The following INF2 variants were observed in gnomAD, a reference collection of about 807,000 sequenced individuals.
The protein encoded by INF2 is inverted formin-2.
A neutral mutation model predicts 123.5 loss-of-function variants in INF2; 43 were observed. The observed-to-expected ratio is 0.35, with a 90% CI of 0.27 to 0.45. The LOEUF (loss-of-function observed/expected upper bound fraction) is 0.45. INF2 is among the 20% of genes least tolerant of loss of function. The pLI, the probability that INF2 is intolerant of heterozygous loss-of-function variation, is 1.00. For missense variants in INF2, 1,453 were observed against 1,682.7 expected, an observed-to-expected ratio of 0.86 and a Z score of 2.39; for synonymous variants, 851 against 745.0, an observed-to-expected ratio of 1.14 and a Z score of -2.32.
chr14:104,711,056 G>C, intron 14 of INF2, 23 bp from the exon 15 acceptor site: 1 of 1,605,894 alleles, frequency 6.2e-7, no homozygotes, highest in South Asian at 1.1e-5. Context: ...GGGCTGGTGA[G>C]ACTCACTCCC....
rs574578087 is a variant in INF2, at chr14:104,717,296, C to A, written c.*2-1499C>A. Among the ~76,000 whole-genome samples the A allele has an allele frequency of 8.4e-4, 31 of 37,096 alleles. 1 individual carries two copies. In the South Asian group the frequency reaches 8.4e-3, roughly 10 times the overall value. The allele number at this position is 37,096 out of a possible 152,430, so 24.3% of individuals were successfully genotyped here. On this transcript the variant is annotated intron_variant, in intron 22 of 22. Transcript: ENST00000392634. ...CAGGGTGCGCTGCCGTCCTCCCAGT[C>A]CCCCCCCCGGGCAGGGCGCGCTGCC...
Position 104,715,586 on chromosome 14 carries a change from G to A in INF2, c.*1+246G>A, listed in dbSNP as rs897248387. 8.9e-5 allele frequency: 54 copies of A among 607,542 alleles called. 1 individual carries two copies. Among genetic ancestry groups the A allele is most frequent in the Middle Eastern group, 4.3e-4 (1 of 2,310 alleles). The allele number at this position is 607,542 out of a possible 1,614,324, so 37.6% of individuals were successfully genotyped here. On this transcript the variant is annotated intron_variant, in intron 22 of 22. Transcript: ENST00000392634. Reference sequence around the variant, plus strand: ...AGGACGCAACCTCAGTGCTGGCCCCGGGCATGCGGGCCTCGAGAGGGCAGG... The same window carrying A: ...AGGACGCAACCTCAGTGCTGGCCCCAGGCATGCGGGCCTCGAGAGGGCAGG...
chr14:104,699,391 C>T lies in INF2; in HGVS notation c.-9-1966C>T, dbSNP rs1019521865. On this transcript the variant is annotated intron_variant, in intron 1 of 22. Coordinates refer to ENST00000392634, the MANE Select transcript of INF2 (RefSeq NM_022489.4). This position sits in a 1 kb window ranked among gnomAD's most constrained non-coding sequence, Gnocchi z 4.7. ...AGGCGGGTGGGAATATATGCAGAGG[C>T]CCGGCTGCCTGGCTCTTCATGGTGG... 1 of 985,230 alleles carries T rather than the reference C, an allele frequency of 1.0e-6. No homozygotes were observed. The highest frequency in any genetic ancestry group is 1.1e-4 in the East Asian group (1 of 8,810). The allele number at this position is 985,230 out of a possible 1,614,324, so 61.0% of individuals were successfully genotyped here.
rs943505617 is a variant in INF2, at chr14:104,699,394, G to A, written c.-9-1963G>A. 8 of 985,240 alleles carry A rather than the reference G, an allele frequency of 8.1e-6. No homozygotes were observed. The highest frequency in any genetic ancestry group is 9.4e-5 in the South Asian group (2 of 21,294). The allele number at this position is 985,240 out of a possible 1,614,324, so 61.0% of individuals were successfully genotyped here. On this transcript the variant is annotated intron_variant, in intron 1 of 22. Transcript: ENST00000392634. This position sits in a 1 kb window ranked among gnomAD's most constrained non-coding sequence, Gnocchi z 4.7. ...CGGGTGGGAATATATGCAGAGGCCCGGCTGCCTGGCTCTTCATGGTGGTGG... is the reference window on the plus strand; with the variant it reads ...CGGGTGGGAATATATGCAGAGGCCCAGCTGCCTGGCTCTTCATGGTGGTGG...
rs377281840 is a variant in INF2 at position 104,709,667 on chromosome 14, C to A, written c.2100C>A (p.Ser700Arg). 18 of 1,612,712 alleles carry A rather than the reference C, an allele frequency of 1.1e-5. No homozygotes were observed. In the South Asian group the frequency reaches 1.9e-4, roughly 17 times the overall value. Residue 700 changes from serine (S) to arginine (R), a missense_variant, in exon 12 of 23, where the codon AGC (serine) becomes AGA (arginine). Transcript: ENST00000392634. Reference protein sequence around the residue: ...AFTEERAKLASADHFYLLLLA... With the variant: ...AFTEERAKLARADHFYLLLLA... The stretch of plus-strand genomic sequence containing the variant: ...CAGAGGAGCGAGCCAAGCTGGCCAG[C>A]GCCGACCACTTCTACCTCCTCCTGC...
At position 104,684,039 on chromosome 14, in the gene INF2, C is replaced by T. The variant is rs940000076; in HGVS notation, c.-104+2457C>T. ...AATTCCCAACACCAGGGTTGCAAGGCCCAGTGTCTTCTCACCTCGTTAGGT... is the reference window on the plus strand; with the variant it reads ...AATTCCCAACACCAGGGTTGCAAGGTCCAGTGTCTTCTCACCTCGTTAGGT... On this transcript the variant is annotated intron_variant, in intron 1 of 2. Transcript: ENST00000674723. The surrounding 1 kb of genome is among the most constrained non-coding windows in gnomAD (Gnocchi z 5.0). The T allele has an allele frequency of 2.2e-6, 1 of 455,936 alleles. No homozygotes were observed. The highest frequency in any genetic ancestry group is 2.0e-5 in the African/African-American group (1 of 50,080). 28.2% of individuals were successfully genotyped at this position (455,936 alleles called of 1,614,324 possible). A position where few individuals can be genotyped will look rare whatever the true frequency, so the allele number is the denominator to read the frequency against.
chr14:104,683,213 G>T (rs1164347533), intron 1 of INF2, among the ~76,000 whole-genome samples: 1 of 152,052 alleles, frequency 6.6e-6, no homozygotes, highest in Non-Finnish European at 1.5e-5. Context: ...GGGGAGGAGG[G>T]GCCCTGGGGA....
intron 8 of INF2, 58 bp downstream of exon 8, chr14:104,708,060 T>C (rs961267698): frequency 2.6e-5 from 42 of 1,596,310 alleles, no homozygotes; most frequent in Non-Finnish European, 3.1e-5. Flanking sequence ...TGGTCTCTGC[T>C]GGGGAGAGGG....
Position 104,714,376 on chromosome 14 carries a change from C to T in INF2, c.3214C>T (p.Leu1072=), listed in dbSNP as rs780477720. ...GTTGGAGGAGGGTGGTCCACGGCCC[C>T]TGGAGAGGCGTTCTTCCTGGTATGT... is the stretch of plus-strand genomic sequence containing the variant. The part of the protein sequence containing the change: ...EQLEEGGPRP[L]ERRSSWYVDA... Residue 1072 remains leucine (L), a synonymous_variant, in exon 21 of 23, where the codon CTG becomes TTG. Transcript: ENST00000392634. 23 of 1,599,182 alleles carry T rather than the reference C, an allele frequency of 1.4e-5. No individual in the cohort carries two copies. The highest frequency in any genetic ancestry group is 2.0e-5 in the Non-Finnish European group (23 of 1,173,520).
chr14:104,707,114 T>G lies in INF2; in HGVS notation c.985+63T>G, dbSNP rs906736321. On this transcript the variant is annotated intron_variant, in intron 7 of 22. Coordinates refer to ENST00000392634, the MANE Select transcript of INF2 (RefSeq NM_022489.4). ...GGGCAGACACTGAGGTCTTAGACCA[T>G]GGGGGGGGGAGCCTGCCCTTGGCCC... 1.5e-5 allele frequency: 21 copies of G among 1,396,702 alleles called. No homozygotes were observed. The African/African-American group carries it at 1.7e-4, about 11-fold the overall frequency. 86.5% of individuals were successfully genotyped at this position (1,396,702 alleles called of 1,614,324 possible). A position where few individuals can be genotyped will look rare whatever the true frequency, so the allele number is the denominator to read the frequency against.
chr14:104,696,886 G>C (rs1031627744), intron 1 of INF2, among the ~76,000 whole-genome samples: 2 of 151,932 alleles, frequency 1.3e-5, no homozygotes, highest in African/African-American at 4.8e-5. Context: ...CCAGCCCTGT[G>C]CCAGTGCCAG....
chr14:104,701,359 C>G lies in INF2; in HGVS notation c.-7C>G, dbSNP rs371647927. 3.8e-6 allele frequency: 6 copies of G among 1,573,276 alleles called. No individual in the cohort carries two copies. The highest frequency in any genetic ancestry group is 1.8e-5 in the Admixed American group (1 of 55,828). On this transcript the variant is annotated splice_region_variant and 5_prime_UTR_variant, in exon 2 of 23. Transcript: ENST00000392634. ...GGCTCCCTGCCCTCTGCCTGCAGCTCGGCAAGATGTCGGTGAAGGAGGGCG... is the reference window on the plus strand; with the variant it reads ...GGCTCCCTGCCCTCTGCCTGCAGCTGGGCAAGATGTCGGTGAAGGAGGGCG...
chr14:104,719,264 G>A lies in INF2; in HGVS notation c.*471G>A, dbSNP rs572222601. The A allele has an allele frequency of 5.5e-5, 9 of 162,652 alleles. No homozygotes were observed. In the East Asian group the frequency reaches 1.6e-3, roughly 29 times the overall value. 10.1% of individuals were successfully genotyped at this position (162,652 alleles called of 1,614,324 possible). ...TAAGCTGGCAGGCAGTGCCATGGCA[G>A]GCCAGGGTCCCCTCCCATGGGGTCT... On this transcript the variant is annotated 3_prime_UTR_variant, in exon 23 of 23. Transcript: ENST00000392634.
chr14:104,709,895 T>C (rs1039735719), intron 12 of INF2, among the ~76,000 whole-genome samples, 190 bp downstream of exon 12: 4 of 152,264 alleles, frequency 2.6e-5, no homozygotes, highest in East Asian at 1.9e-4. Context: ...CCCCTCAAAG[T>C]GTGGGGCTGG....
At chr14:104,695,611 A>ACCCCTCC (rs1889155703) in intron 1 of INF2, among the ~76,000 whole-genome samples, 1 of 151,868 alleles carries the variant, frequency 6.6e-6, no homozygotes, top group African/African-American at 2.4e-5. Context: ...CCTCCCAGTG[A>ACCCCTCC]GCCGGGGCAT....
chr14:104,716,050 C>A, intron 22 of INF2: 1 of 433,798 alleles, frequency 2.3e-6, no homozygotes, highest in Non-Finnish European at 4.7e-6. Context: ...GCCAATGCAT[C>A]CAGCTAGACA....
At chr14:104,689,590 T>TCCCCCCCCCCC, upstream of INF2, 48 of 646,936 alleles carry the variant, frequency 7.4e-5, no homozygotes, top group South Asian at 1.4e-4. Flanking sequence ...CTCCTCTTCC[T>TCCCCCCCCCCC]CCCGCCCGCC....
At chr14:104,696,963 G>GCCAGTGC in intron 1 of INF2, among the ~76,000 whole-genome samples, 1 of 152,124 alleles carries the variant, frequency 6.6e-6, no homozygotes, top group East Asian at 1.9e-4. Flanking sequence ...CATGTGCCCA[G>GCCAGTGC]CCAGTGCCTG....
chr14:104,716,719 C>G (rs1448275965), intron 22 of INF2, among the ~76,000 whole-genome samples: 2 of 152,212 alleles, frequency 1.3e-5, no homozygotes, highest in African/African-American at 4.8e-5. Flanking sequence ...AAGACGGAGT[C>G]TCACTCTGTT....
Sources: gnomAD v4.1 joint callset for allele counts (sites outside exome capture counted in the v4.1 genomes callset) on GRCh38, gnomAD v4.1.1 for gene constraint, Gnocchi (gnomAD v3.1) non-coding constraint, MANE v1.5 for transcripts, NCBI Gene and HGNC (gene_info 2026-07-23, HGNC 2026-07-21) for gene names.